The following MDGA2 variants were observed in gnomAD, a reference collection of about 807,000 sequenced individuals.
MDGA2 encodes MAM domain-containing glycosylphosphatidylinositol anchor protein 2.
Under a neutral mutation model 117.8 loss-of-function variants are expected in MDGA2, and 40 were observed. That is an observed-to-expected ratio of 0.34 (90% CI 0.26 to 0.44). MDGA2 has a LOEUF of 0.44. MDGA2 is among the 20% of genes least tolerant of loss of function. MDGA2 has a pLI of 1.00. For missense variants in MDGA2, 1,123 were observed against 1,250.6 expected (o/e 0.90, Z 1.54); for synonymous variants, 452 against 439.0 (o/e 1.03, Z -0.37).
chr14:47,261,090 C>T (rs1460923229), intron 2 of MDGA2, among the ~76,000 whole-genome samples: 1 of 151,980 alleles, frequency 6.6e-6, no homozygotes, highest in Non-Finnish European at 1.5e-5. Context: ...GCTGTGTAGG[C>T]TTAAGAGGGT....
At chr14:47,256,885 G>T (rs1001563024) in intron 2 of MDGA2, among the ~76,000 whole-genome samples, 1 of 136,654 alleles carries the variant, frequency 7.3e-6, no homozygotes, top group African/African-American at 2.7e-5. Flanking sequence ...AGAAAGAAAA[G>T]AAAGAAAAAA....
intron 1 of MDGA2, among the ~76,000 whole-genome samples, chr14:47,482,202 C>A (rs1229242545): frequency 6.6e-6 from 1 of 151,838 alleles, no homozygotes; most frequent in Non-Finnish European, 1.5e-5. Context: ...CTTAGGCTCC[C>A]AGGTGTGGGA....
chr14:47,530,376 T>C (rs1341263242), intron 1 of MDGA2, among the ~76,000 whole-genome samples: 1 of 152,218 alleles, frequency 6.6e-6, no homozygotes, highest in Non-Finnish European at 1.5e-5. Context: ...TTACTGCTGA[T>C]TAATATCTTG....
intron 5 of MDGA2, among the ~76,000 whole-genome samples, chr14:47,101,118 T>TAGAC (rs1466068726): frequency 4.0e-5 from 5 of 123,882 alleles, no homozygotes; most frequent in Admixed American, 7.8e-5. Context: ...GATAGATAGA[T>TAGAC]AGATAGACAG....
In MDGA2 at chr14:47,591,685, G is replaced by T. The variant is rs189178697; in HGVS notation, c.280+82832C>A. Among the ~76,000 whole-genome samples, 285 of 151,222 alleles carry T rather than the reference G, an allele frequency of 1.9e-3. 4 individuals carry two copies. Among genetic ancestry groups the T allele is most frequent in the African/African-American group, 6.5e-3 (268 of 41,374 alleles). ...AATTCATCACATAAACAAAACTAAA[G>T]ACAATATCTCAATAGACTCAGAAAG... On this transcript the variant is annotated intron_variant, in intron 1 of 16. Coordinates refer to ENST00000399232, the MANE Select transcript of MDGA2 (RefSeq NM_001113498.3).
chr14:47,026,785 T>C (rs758233619), intron 8 of MDGA2, among the ~76,000 whole-genome samples: 10 of 152,130 alleles, frequency 6.6e-5, no homozygotes, highest in Non-Finnish European at 1.3e-4. Flanking sequence ...GTGTTTATGT[T>C]CATTTTTCTT....
chr14:46,983,106 C>T (rs1485463291), intron 8 of MDGA2, among the ~76,000 whole-genome samples: 4 of 151,924 alleles, frequency 2.6e-5, no homozygotes, highest in African/African-American at 9.7e-5. Context: ...TGCTGGATTA[C>T]GTTTATTGAT....
At chr14:47,032,605 T>G (rs544529650) in intron 8 of MDGA2, among the ~76,000 whole-genome samples, 7 of 152,208 alleles carry the variant, frequency 4.6e-5, no homozygotes, top group African/African-American at 1.7e-4. Context: ...AAAAAATCAC[T>G]ATAAAAGTTA....
intron 8 of MDGA2, among the ~76,000 whole-genome samples, chr14:46,981,628 G>A (rs980198750): frequency 3.9e-5 from 6 of 152,154 alleles, no homozygotes; most frequent in African/African-American, 1.4e-4. Context: ...GGTGTGAAAA[G>A]AGTGATATAG....
rs1887683429 is a variant in MDGA2 at position 47,005,656 on chromosome 14, C to T, written c.1819+29355G>A. Among the ~76,000 whole-genome samples, 3 of 151,434 alleles carry T rather than the reference C, an allele frequency of 2.0e-5. No homozygotes were observed. The South Asian group carries it at 6.2e-4, about 31-fold the overall frequency. On this transcript the variant is annotated intron_variant, in intron 8 of 16. Coordinates refer to ENST00000399232, the MANE Select transcript of MDGA2 (RefSeq NM_001113498.3). ...AATGATTTGGGAAGTACTCTCTACA[C>T]TTTGGTTTTCTGAAAAAATGTGTAT...
intron 2 of MDGA2, among the ~76,000 whole-genome samples, chr14:47,268,164 C>T (rs543913928): frequency 3.8e-4 from 58 of 151,998 alleles, no homozygotes; most frequent in African/African-American, 1.3e-3. Flanking sequence ...CCTCCGCCTC[C>T]CTGGTTCAAG....
chr14:47,190,914 A>T (rs1885084287), intron 3 of MDGA2, among the ~76,000 whole-genome samples: 1 of 152,106 alleles, frequency 6.6e-6, no homozygotes, highest in African/African-American at 2.4e-5. Flanking sequence ...TGTTTGAAAC[A>T]ACATAGTTAG....
intron 9 of MDGA2, among the ~76,000 whole-genome samples, chr14:46,946,033 C>G (rs139738880): frequency 6.6e-6 from 1 of 151,604 alleles, no homozygotes; most frequent in African/African-American, 2.4e-5. Context: ...AAAATTAGCA[C>G]AAAGAAAAAA....
intron 3 of MDGA2, among the ~76,000 whole-genome samples, chr14:47,173,713 C>T (rs1013797491): frequency 3.3e-5 from 5 of 152,230 alleles, no homozygotes; most frequent in African/African-American, 1.2e-4. Context: ...ATGTAAAGAC[C>T]ATCAAGACTA....
At chr14:47,009,163 C>T (rs1346447182) in intron 8 of MDGA2, among the ~76,000 whole-genome samples, 2 of 151,864 alleles carry the variant, frequency 1.3e-5, no homozygotes, top group Non-Finnish European at 2.9e-5. Context: ...TAGTTTAGTT[C>T]ACATTTTCCA....
chr14:46,948,378 G>A (rs935972115), intron 9 of MDGA2, among the ~76,000 whole-genome samples: 27 of 152,006 alleles, frequency 1.8e-4, no homozygotes, highest in African/African-American at 6.5e-4. Flanking sequence ...GTGTTCCTTA[G>A]GTAAAGGGAA....
chr14:46,888,992 T>C (rs562067326), intron 10 of MDGA2, among the ~76,000 whole-genome samples: 13 of 152,088 alleles, frequency 8.5e-5, no homozygotes, highest in African/African-American at 2.2e-4. Flanking sequence ...CTCACACTAA[T>C]GATTATCCAA....
chr14:47,561,171 G>GTTTTTTTTTTTTTTTT lies in MDGA2; in HGVS notation c.280+113345_280+113346insAAAAAAAAAAAAAAAA, dbSNP rs1594918273. ...TTTTTTTGTTTTGTTTTGTTTTTTT[G>GTTTTTTTTTTTTTTTT]TTTGTTTGTTTTTTTTTGCTTAGGA... On this transcript the variant is annotated intron_variant, in intron 1 of 16. Coordinates refer to ENST00000399232, the MANE Select transcript of MDGA2 (RefSeq NM_001113498.3). Among the ~76,000 whole-genome samples the GTTTTTTTTTTTTTTTT allele has an allele frequency of 4.5e-4, 31 of 68,474 alleles. No homozygotes were observed. The East Asian group carries it at 7.0e-3, about 15-fold the overall frequency. The allele number at this position is 68,474 out of a possible 152,430, so 44.9% of individuals were successfully genotyped here.
chr14:47,590,324 T>A (rs1896412899), intron 1 of MDGA2, among the ~76,000 whole-genome samples: 2 of 151,866 alleles, frequency 1.3e-5, no homozygotes, highest in East Asian at 3.9e-4. Context: ...ATTAGACATT[T>A]CAGGAGATGT....
Sources: allele counts gnomAD v4.1 joint callset (sites outside exome capture counted in the v4.1 genomes callset), GRCh38; gene constraint gnomAD v4.1.1; transcripts MANE v1.5; gene names NCBI Gene and HGNC (gene_info 2026-07-23, HGNC 2026-07-21).